The following ANKRD13C variants were observed in gnomAD, a reference collection of about 807,000 sequenced individuals.
ANKRD13C encodes ankyrin repeat domain 13C, also known as ankyrin repeat domain-containing protein 13C.
Under a neutral mutation model 65.5 loss-of-function variants are expected in ANKRD13C, and 16 were observed. That is an observed-to-expected ratio of 0.24 (90% CI 0.17 to 0.37). The LOEUF (loss-of-function observed/expected upper bound fraction) is 0.37. Ranked by LOEUF, ANKRD13C falls within the 10% of genes least tolerant of loss-of-function variation. ANKRD13C has a pLI of 1.00. For missense variants in ANKRD13C, 503 were observed against 655.9 expected (o/e 0.77, Z 2.55); for synonymous variants, 235 against 238.7 (o/e 0.98, Z 0.14).
chr1:70,335,461 G>A (rs781750935), intron 2 of ANKRD13C, among the ~76,000 whole-genome samples: 16 of 150,696 alleles, frequency 1.1e-4, no homozygotes, highest in Non-Finnish European at 2.1e-4. Flanking sequence ...TAAAAATCTA[G>A]TACTCAAAGC....
At chr1:70,339,921 C>G (rs1682236169) in intron 1 of ANKRD13C, among the ~76,000 whole-genome samples, 1 of 150,772 alleles carries the variant, frequency 6.6e-6, no homozygotes, top group Non-Finnish European at 1.5e-5. Flanking sequence ...AAAATCATGG[C>G]TCACTGCAGC....
At chr1:70,294,761 G>A (rs185673625) in intron 8 of ANKRD13C, among the ~76,000 whole-genome samples, 4 of 151,922 alleles carry the variant, frequency 2.6e-5, no homozygotes, top group African/African-American at 7.2e-5. Flanking sequence ...AAGCACCTGC[G>A]ACTATAGGCT....
intron 9 of ANKRD13C, among the ~76,000 whole-genome samples, chr1:70,279,664 A>T (rs1679298831): frequency 6.6e-6 from 1 of 151,910 alleles, no homozygotes; most frequent in African/African-American, 2.4e-5. Context: ...CATCAAGCCC[A>T]GCTAATTTTT....
intron 2 of ANKRD13C, among the ~76,000 whole-genome samples, chr1:70,331,312 A>G (rs1024011012): frequency 8.6e-5 from 13 of 151,940 alleles, no homozygotes; most frequent in African/African-American, 3.1e-4. Context: ...TGTAATCTCA[A>G]CACTCTGGGA....
At chr1:70,266,034 C>A (rs1366091053) in intron 12 of ANKRD13C, among the ~76,000 whole-genome samples, 2 of 151,928 alleles carry the variant, frequency 1.3e-5, no homozygotes, top group African/African-American at 4.8e-5. Flanking sequence ...ACATAAAAAT[C>A]AGGATATTGA....
intron 12 of ANKRD13C, among the ~76,000 whole-genome samples, chr1:70,267,042 T>C (rs1013023057): frequency 1.3e-5 from 2 of 152,242 alleles, no homozygotes; most frequent in African/African-American, 4.8e-5. Flanking sequence ...TCTCCAGTTA[T>C]AATTGTGGAT....
chr1:70,349,890 C>T (rs549827904), intron 1 of ANKRD13C, among the ~76,000 whole-genome samples: 1 of 152,312 alleles, frequency 6.6e-6, no homozygotes, highest in Middle Eastern at 3.4e-3. Flanking sequence ...AATCCCAGCA[C>T]TTTTGTAGGC....
chr1:70,307,051 A>G (rs1680616961), intron 5 of ANKRD13C, among the ~76,000 whole-genome samples: 1 of 152,216 alleles, frequency 6.6e-6, no homozygotes, highest in Non-Finnish European at 1.5e-5. Flanking sequence ...TCAGAGGTAC[A>G]TGTGTACATA....
At chr1:70,266,688 T>C (rs745473288) in intron 12 of ANKRD13C, among the ~76,000 whole-genome samples, 9 of 152,236 alleles carry the variant, frequency 5.9e-5, no homozygotes, top group Admixed American at 2.6e-4. Context: ...AGACTTCCCT[T>C]TGACATATAG....
rs1682910937 is a variant in ANKRD13C, at chr1:70,354,468, G to C, written c.-60C>G. ...GCTCACCGCTGGCGACGGAGCTGGC[G>C]CTGCGGCGGCACAAGGCGATTAGAG... On this transcript the variant is annotated 5_prime_UTR_variant, in exon 1 of 13. Coordinates refer to ENST00000370944, the MANE Select transcript of ANKRD13C (RefSeq NM_030816.5). 3 of 1,538,994 alleles carry C rather than the reference G, an allele frequency of 1.9e-6. No individual in the cohort carries two copies. Among genetic ancestry groups the C allele is most frequent in the South Asian group, 2.5e-5 (2 of 80,276 alleles).
chr1:70,289,535 G>A (rs914092077), intron 9 of ANKRD13C, among the ~76,000 whole-genome samples: 2 of 151,338 alleles, frequency 1.3e-5, no homozygotes, highest in Non-Finnish European at 2.9e-5. Flanking sequence ...CACGATCTCC[G>A]CTCACTGCAA....
chr1:70,342,723 AACACACACACACAATAACACACACAC>A (rs1682364782), intron 1 of ANKRD13C, among the ~76,000 whole-genome samples: 1 of 147,328 alleles, frequency 6.8e-6, no homozygotes, highest in Non-Finnish European at 1.5e-5. Flanking sequence ...TAAAGAAAGA[AACACACACACACAATAACACACACAC>A]ACACACACAC....
intron 9 of ANKRD13C, among the ~76,000 whole-genome samples, chr1:70,284,547 C>T (rs184101110): frequency 6.6e-6 from 1 of 152,130 alleles, no homozygotes; most frequent in African/African-American, 2.4e-5. Flanking sequence ...CGTGTTAATA[C>T]CTGAATATAC....
intron 4 of ANKRD13C, among the ~76,000 whole-genome samples, chr1:70,314,575 CTGTTA>C (rs1330894346): frequency 3.3e-5 from 5 of 151,962 alleles, no homozygotes; most frequent in Admixed American, 2.6e-4. Context: ...AAGATTATAA[CTGTTA>C]AGAGTATATA....
intron 2 of ANKRD13C, among the ~76,000 whole-genome samples, chr1:70,328,841 C>A (rs1376373907): frequency 6.6e-6 from 1 of 151,892 alleles, no homozygotes; most frequent in Non-Finnish European, 1.5e-5. Context: ...GGGATGATAG[C>A]CAAGATAAAA....
chr1:70,285,886 G>A (rs565642509), intron 9 of ANKRD13C, among the ~76,000 whole-genome samples: 69 of 151,924 alleles, frequency 4.5e-4, no homozygotes, highest in Admixed American at 3.6e-3. Context: ...CCACCGTGCC[G>A]GCCAAGTTAA....
At position 70,259,060 on chromosome 1, in the gene ANKRD13C, G is replaced by A. The variant is rs1436937487; in HGVS notation, c.*3657C>T. On this transcript the variant is annotated 3_prime_UTR_variant, in exon 13 of 13. Transcript: ENST00000370944. ...GTGAGTGGTATGCTATACCACCTAGGTTTGTGTAAGTACACCCAATATGGT... is the reference window on the plus strand; with the variant it reads ...GTGAGTGGTATGCTATACCACCTAGATTTGTGTAAGTACACCCAATATGGT... Among the ~76,000 whole-genome samples, 4 of 152,068 alleles carry A rather than the reference G, an allele frequency of 2.6e-5. No homozygotes were observed. The highest frequency in any genetic ancestry group is 5.9e-5 in the Non-Finnish European group (4 of 68,014).
chr1:70,279,763 A>G (rs978809836), intron 9 of ANKRD13C, among the ~76,000 whole-genome samples: 4 of 152,138 alleles, frequency 2.6e-5, no homozygotes, highest in East Asian at 3.9e-4. Context: ...TCAGCCTCCC[A>G]AAGTGCTGGG....
At chr1:70,265,630 C>T (rs189825171) in intron 12 of ANKRD13C, among the ~76,000 whole-genome samples, 4 of 151,354 alleles carry the variant, frequency 2.6e-5, no homozygotes, top group Admixed American at 6.6e-5. Flanking sequence ...GAGACCAGCC[C>T]GGGCAACAAA....
Sources: allele counts gnomAD v4.1 joint callset (sites outside exome capture counted in the v4.1 genomes callset), GRCh38; gene constraint gnomAD v4.1.1; transcripts MANE v1.5; gene names NCBI Gene and HGNC (gene_info 2026-07-23, HGNC 2026-07-21).